Variants in PECR observed in about 807,000 individuals in gnomAD.
PECR encodes 2,4-dienoyl-CoA reductase-related protein.
PECR carries 30 observed loss-of-function variants against 35.3 expected under a neutral mutation model. That is an observed-to-expected ratio of 0.85 (90% confidence interval 0.64 to 1.15). The LOEUF (loss-of-function observed/expected upper bound fraction) is 1.15. Ranked by LOEUF, PECR falls within the 50% of genes most tolerant of loss-of-function variation. PECR has a pLI of 0.00. For missense variants in PECR, 392 were observed against 370.8 expected, an observed-to-expected ratio of 1.06 and a Z score of -0.47; for synonymous variants, 148 against 138.9, an observed-to-expected ratio of 1.07 and a Z score of -0.46.
At chr2:216,032,845 C>T (rs567257471) in intron 7 of PECR, 12 of 152,276 alleles carry the variant, frequency 7.9e-5, no homozygotes, top group African/African-American at 2.4e-4. Flanking sequence ...CAATAGATGC[C>T]TTCTTTGCTG....
intron 6 of PECR, among the ~76,000 whole-genome samples, chr2:216,047,891 G>C (rs528133525): frequency 3.3e-5 from 5 of 151,548 alleles, no homozygotes; most frequent in African/African-American, 1.2e-4. Flanking sequence ...TGGTCTTTTT[G>C]CTGCTTCACA....
chr2:216,042,927 T>TTA lies in PECR; in HGVS notation c.826+975_826+976dup, dbSNP rs556374130. ...GCCCGCCACCACACCCGACTAACTG[T>TTA]TATATATATACATACGTATATGTGT... On this transcript the variant is annotated intron_variant, in intron 7 of 7. Transcript: ENST00000265322. Among the ~76,000 whole-genome samples, 88 of 143,428 alleles carry TTA rather than the reference T, an allele frequency of 6.1e-4. 4 individuals are homozygous for TTA. The East Asian group carries it at 0.015, about 25-fold the overall frequency. The allele number at this position is 143,428 out of a possible 152,430, so 94.1% of individuals were successfully genotyped here.
At chr2:216,078,172 C>T (rs58568811) in intron 1 of PECR, among the ~76,000 whole-genome samples, 1 of 151,818 alleles carries the variant, frequency 6.6e-6, no homozygotes, top group African/African-American at 2.4e-5. Flanking sequence ...GGCGCGGGGC[C>T]TCCATGCCTG....
rs113953744 is a variant in PECR at position 216,038,832 on chromosome 2, C to T, written c.*443G>A. ...TAGAGACAGGGTTTTACCATGTTGG[C>T]CAGCCTGGTCTTGAACTCCTGACCT... On this transcript the variant is annotated 3_prime_UTR_variant, in exon 8 of 8. Transcript: ENST00000265322. 118 of 179,460 alleles carry T rather than the reference C, an allele frequency of 6.6e-4. No individual in the cohort carries two copies. The highest frequency in any genetic ancestry group is 1.2e-3 in the Non-Finnish European group (101 of 84,782). 11.1% of individuals were successfully genotyped at this position (179,460 alleles called of 1,614,324 possible).
intron 7 of PECR, among the ~76,000 whole-genome samples, chr2:216,030,434 C>A (rs1159959430): frequency 2.0e-5 from 3 of 152,158 alleles, no homozygotes; most frequent in Admixed American, 1.3e-4. Flanking sequence ...AATGAAACTA[C>A]CTCACAGAGT....
intron 6 of PECR, among the ~76,000 whole-genome samples, chr2:216,046,410 A>C (rs1348952346): frequency 6.7e-6 from 1 of 148,164 alleles, no homozygotes; most frequent in East Asian, 2.0e-4. Context: ...TCCCGGGTTC[A>C]AGCAATTGTC....
chr2:216,058,484 G>A (rs1228955029), intron 4 of PECR, among the ~76,000 whole-genome samples: 1 of 152,098 alleles, frequency 6.6e-6, no homozygotes, highest in Non-Finnish European at 1.5e-5. Flanking sequence ...TAGCAGTCCT[G>A]TGTAAAATCA....
rs1695117773 is a variant in PECR at position 216,051,673 on chromosome 2, T to C, written c.507-128A>G. On this transcript the variant is annotated intron_variant, in intron 4 of 7. Transcript: ENST00000265322. ...AGACTTCTTGCTATGGAGTCTGTCT[T>C]GTTGAGCTTCTGTCTAAACAACGAA... 5.5e-6 allele frequency: 4 copies of C among 723,352 alleles called. No homozygotes were observed. The East Asian group carries it at 7.9e-5, about 14-fold the overall frequency. 44.8% of individuals were successfully genotyped at this position (723,352 alleles called of 1,614,324 possible). A position where few individuals can be genotyped will look rare whatever the true frequency, so the allele number is the denominator to read the frequency against.
chr2:216,071,878 C>T (rs982064839), intron 1 of PECR, among the ~76,000 whole-genome samples: 4 of 152,238 alleles, frequency 2.6e-5, no homozygotes, highest in Admixed American at 6.5e-5. Context: ...CGTTTGGGTG[C>T]CACTTTGACA....
chr2:216,042,931 A>G (rs1171837690), intron 7 of PECR, among the ~76,000 whole-genome samples: 1 of 145,034 alleles, frequency 6.9e-6, no homozygotes, highest in Non-Finnish European at 1.5e-5. Context: ...TAACTGTTAT[A>G]TATATACATA....
Position 216,058,924 on chromosome 2 carries a change from G to A in PECR, c.477C>T (p.Val159=), listed in dbSNP as rs1695280596. ...CTAATGGAAATCCAGCTTTAGTAGG[G>A]ACAATGATATTGACGATAGATCCTC... ...EHGGSIVNII[V]PTKAGFPLAV... Residue 159 remains valine (V), a synonymous_variant, in exon 4 of 8, where the codon GTC becomes GTT. Transcript: ENST00000265322. 2 of 1,607,512 alleles carry A rather than the reference G, an allele frequency of 1.2e-6. No individual in the cohort carries two copies. Among genetic ancestry groups the A allele is most frequent in the Non-Finnish European group, 1.7e-6 (2 of 1,174,052 alleles).
intron 6 of PECR, among the ~76,000 whole-genome samples, 188 bp downstream of exon 6, chr2:216,049,075 C>A (rs1328565806): frequency 6.6e-6 from 1 of 152,166 alleles, no homozygotes; most frequent in Admixed American, 6.5e-5. Flanking sequence ...CATTCACTCT[C>A]AAGTACAGAT....
chr2:216,058,987 G>A lies in PECR; in HGVS notation c.425-11C>T. The A allele has an allele frequency of 6.4e-7, 1 of 1,550,916 alleles. No homozygotes were observed. Among genetic ancestry groups the A allele is most frequent in the Non-Finnish European group, 8.9e-7 (1 of 1,123,338 alleles). ...TCCAGGAGCTGTAAACTGCAGGATA[G>A]AGGCAAACTCAATCATTAAATTTTT... On this transcript the variant is annotated splice_polypyrimidine_tract_variant and intron_variant, in intron 3 of 7. Coordinates refer to ENST00000265322, the MANE Select transcript of PECR (RefSeq NM_018441.6).
At chr2:216,045,508 A>C (rs1056105194) in intron 6 of PECR, among the ~76,000 whole-genome samples, 1 of 152,256 alleles carries the variant, frequency 6.6e-6, no homozygotes, top group African/African-American at 2.4e-5. Flanking sequence ...TGGATGTATT[A>C]GGCTAAGTCA....
At chr2:216,071,587 G>C (rs1300222541) in intron 1 of PECR, among the ~76,000 whole-genome samples, 1 of 152,160 alleles carries the variant, frequency 6.6e-6, no homozygotes, top group Non-Finnish European at 1.5e-5. Context: ...GGAGAAGGGT[G>C]CAACTTACAG....
At position 216,081,763 on chromosome 2, in the gene PECR, C is replaced by T. The variant is rs373401879; in HGVS notation, c.-22G>A. ...CCATCCCTGCAGCGGGGTGCCAGAG[C>T]AGCTGAGCGCAGGCCCTTCTGGGTC... On this transcript the variant is annotated 5_prime_UTR_variant, in exon 1 of 8. Coordinates refer to ENST00000265322, the MANE Select transcript of PECR (RefSeq NM_018441.6). 1 of 1,611,106 alleles carries T rather than the reference C, an allele frequency of 6.2e-7. No individual in the cohort carries two copies. Among genetic ancestry groups the T allele is most frequent in the East Asian group, 2.2e-5 (1 of 44,864 alleles).
At chr2:216,045,060 G>A (rs1320158002) in intron 6 of PECR, among the ~76,000 whole-genome samples, 4 of 152,200 alleles carry the variant, frequency 2.6e-5, no homozygotes, top group Admixed American at 6.5e-5. Flanking sequence ...TGTCGAGGGT[G>A]CAAGATTTAA....
intron 1 of PECR, among the ~76,000 whole-genome samples, chr2:216,074,795 A>G (rs1443129900): frequency 6.6e-6 from 1 of 152,266 alleles, no homozygotes; most frequent in East Asian, 1.9e-4. Flanking sequence ...TTTCACTGCT[A>G]GAACTTTCCA....
At chr2:216,061,127 ACC>A (rs1404250067) in intron 3 of PECR, among the ~76,000 whole-genome samples, 198 of 65,744 alleles carry the variant, frequency 3.0e-3, no homozygotes, top group African/African-American at 0.013. Flanking sequence ...CCCCGGCTCT[ACC>A]AAAAAAAAAA....
Sources: gnomAD v4.1 joint callset for allele counts (sites outside exome capture counted in the v4.1 genomes callset) on GRCh38, gnomAD v4.1.1 for gene constraint, MANE v1.5 for transcripts, NCBI Gene and HGNC (gene_info 2026-07-23, HGNC 2026-07-21) for gene names.